The following MGAT4C variants were observed in gnomAD, a reference collection of about 807,000 sequenced individuals.
The protein encoded by MGAT4C is alpha-1,3-mannosyl-glycoprotein 4-beta-N-acetylglucosaminyltransferase C.
In MGAT4C, 19 loss-of-function variants were observed where a neutral mutation model predicts 40.1. The ratio of observed to expected loss-of-function variants is 0.47; its 90% CI spans 0.33 to 0.70. The LOEUF (loss-of-function observed/expected upper bound fraction) is 0.70, where lower values mean the gene tolerates loss of function less well. Among genes scored for constraint, MGAT4C ranks in the 30% least tolerant of loss-of-function variants. The pLI is 0.02. For synonymous variants in MGAT4C, 181 were observed against 187.1 expected, an observed-to-expected ratio of 0.97 and a Z score of 0.27; for missense variants, 491 against 563.2, an observed-to-expected ratio of 0.87 and a Z score of 1.30.
At position 86,043,403 on chromosome 12, in the gene MGAT4C, T is replaced by C. The variant is rs1892068136; in HGVS notation, c.-7+6271A>G. 1.3e-5 allele frequency among the ~76,000 whole-genome samples: 2 copies of C among 151,684 alleles called. 1 individual carries two copies. The highest frequency in any genetic ancestry group is 4.2e-4 in the South Asian group (2 of 4,800). On this transcript the variant is annotated intron_variant, in intron 2 of 4. Coordinates refer to ENST00000611864, the MANE Select transcript of MGAT4C (RefSeq NM_001351288.2). Reference sequence around the variant, plus strand: ...CAAACCACTGGTGTAGGCCCAAGAGTCTAAAAGCTGAAGAACTTGGAGTCC... The same window carrying C: ...CAAACCACTGGTGTAGGCCCAAGAGCCTAAAAGCTGAAGAACTTGGAGTCC...
intron 2 of MGAT4C, among the ~76,000 whole-genome samples, chr12:86,527,503 T>C (rs1958905184): frequency 6.6e-6 from 1 of 152,210 alleles, no homozygotes; most frequent in South Asian, 2.1e-4. Flanking sequence ...ATATAAACTT[T>C]AGAATTTTTT....
intron 2 of MGAT4C, chr12:86,727,092 C>A (rs1370421315): frequency 1.3e-5 from 2 of 152,064 alleles, no homozygotes; most frequent in African/African-American, 4.8e-5. Flanking sequence ...TAATTGTTAT[C>A]ATTTATACTG....
chr12:86,241,641 A>G (rs2136046102), intron 1 of MGAT4C, among the ~76,000 whole-genome samples: 1 of 152,304 alleles, frequency 6.6e-6, no homozygotes, highest in African/African-American at 2.4e-5. Flanking sequence ...GCCTAAGAGG[A>G]AAAAGATCGC....
At chr12:86,825,110 G>A (rs1170258926) in intron 1 of MGAT4C, among the ~76,000 whole-genome samples, 3 of 151,232 alleles carry the variant, frequency 2.0e-5, no homozygotes, top group African/African-American at 7.3e-5. Context: ...AAACTAATGT[G>A]AGGTTTCGGG....
intron 2 of MGAT4C, among the ~76,000 whole-genome samples, chr12:86,555,810 C>T (rs901929679): frequency 6.6e-6 from 1 of 152,150 alleles, no homozygotes; most frequent in Non-Finnish European, 1.5e-5. Flanking sequence ...GAGCTTGGGG[C>T]CTTCGCAGCC....
At chr12:86,272,440 G>A (rs931217501) in intron 4 of MGAT4C, among the ~76,000 whole-genome samples, 1 of 152,058 alleles carries the variant, frequency 6.6e-6, no homozygotes, top group Non-Finnish European at 1.5e-5. Flanking sequence ...AAGAAACCAT[G>A]ATACAATATT....
At chr12:86,832,487 G>A (rs1952949552) in intron 1 of MGAT4C, among the ~76,000 whole-genome samples, 1 of 151,748 alleles carries the variant, frequency 6.6e-6, no homozygotes, top group Non-Finnish European at 1.5e-5. Flanking sequence ...CATACTCTAT[G>A]AGAAAAGACA....
chr12:86,246,256 G>A (rs1952022504), intron 1 of MGAT4C, among the ~76,000 whole-genome samples: 1 of 132,090 alleles, frequency 7.6e-6, no homozygotes, highest in Admixed American at 9.1e-5. Flanking sequence ...CTTGATCTCC[G>A]CTCACTGCAA....
intron 2 of MGAT4C, among the ~76,000 whole-genome samples, chr12:86,615,608 T>C (rs1361933571): frequency 6.6e-6 from 1 of 151,924 alleles, no homozygotes; most frequent in Non-Finnish European, 1.5e-5. Flanking sequence ...TTGGGAGAAA[T>C]AAGGTTAACT....
chr12:86,303,447 A>G (rs1953861291), intron 4 of MGAT4C, among the ~76,000 whole-genome samples: 1 of 150,356 alleles, frequency 6.7e-6, no homozygotes, highest in African/African-American at 2.5e-5. Flanking sequence ...GTAGAGTTCC[A>G]TTCGAAAATT....
chr12:86,785,262 T>G (rs1246836046), intron 1 of MGAT4C, among the ~76,000 whole-genome samples: 1 of 152,012 alleles, frequency 6.6e-6, no homozygotes, highest in East Asian at 1.9e-4. Context: ...AACAGCAATA[T>G]TCCCTTGCTC....
At chr12:86,025,149 C>A (rs1383853630) in intron 2 of MGAT4C, among the ~76,000 whole-genome samples, 2 of 150,900 alleles carry the variant, frequency 1.3e-5, no homozygotes, top group Non-Finnish European at 3.0e-5. Flanking sequence ...ATTTTTATAC[C>A]AATATTTCAG....
intron 1 of MGAT4C, among the ~76,000 whole-genome samples, chr12:86,170,239 C>T (rs1886666962): frequency 6.6e-6 from 1 of 152,178 alleles, no homozygotes; most frequent in Admixed American, 6.6e-5. Context: ...ATTTGTCATG[C>T]TATGAGAATC....
At chr12:86,006,854 A>G (rs1422304595) in intron 2 of MGAT4C, among the ~76,000 whole-genome samples, 4 of 152,134 alleles carry the variant, frequency 2.6e-5, no homozygotes, top group African/African-American at 7.2e-5. Flanking sequence ...CTTGGCTATA[A>G]CCTTCTACTT....
intron 1 of MGAT4C, among the ~76,000 whole-genome samples, chr12:86,127,104 G>T (rs1389719173): frequency 6.6e-6 from 1 of 152,202 alleles, no homozygotes; most frequent in Non-Finnish European, 1.5e-5. Context: ...ACCACCTGCT[G>T]TGTGACCCAG....
chr12:86,160,630 T>A (rs974564944), intron 1 of MGAT4C, among the ~76,000 whole-genome samples: 1 of 152,062 alleles, frequency 6.6e-6, no homozygotes, highest in Non-Finnish European at 1.5e-5. Context: ...AGTTTCCTTG[T>A]TAGTTTTCTG....
At chr12:86,257,070 T>C (rs1952540726), upstream of MGAT4C, among the ~76,000 whole-genome samples, 1 of 152,146 alleles carries the variant, frequency 6.6e-6, no homozygotes, top group Non-Finnish European at 1.5e-5. Context: ...TAAATATTGG[T>C]TTTTACAAAG....
intron 1 of MGAT4C, among the ~76,000 whole-genome samples, chr12:86,157,539 A>G (rs1375909292): frequency 6.6e-6 from 1 of 152,092 alleles, no homozygotes; most frequent in Non-Finnish European, 1.5e-5. Context: ...AAAATAATAA[A>G]TCCCCTGTTA....
At chr12:86,664,900 A>C (rs1169663823) in intron 2 of MGAT4C, among the ~76,000 whole-genome samples, 1 of 152,172 alleles carries the variant, frequency 6.6e-6, no homozygotes, top group Non-Finnish European at 1.5e-5. Flanking sequence ...TTCAACTATC[A>C]TAGGTCATCT....
Sources: gnomAD v4.1 joint callset for allele counts (sites outside exome capture counted in the v4.1 genomes callset) on GRCh38, gnomAD v4.1.1 for gene constraint, MANE v1.5 for transcripts, NCBI Gene and HGNC (gene_info 2026-07-23, HGNC 2026-07-21) for gene names.